GRXCR1: variants seen among roughly 807,000 people sequenced by gnomAD.
The protein encoded by GRXCR1 is glutaredoxin and cysteine rich domain containing 1.
GRXCR1 carries 27 observed loss-of-function variants against 27.3 expected under a neutral mutation model. The ratio of observed to expected loss-of-function variants is 0.99; its 90% CI spans 0.73 to 1.37. The LOEUF (loss-of-function observed/expected upper bound fraction) is 1.37. Ranked by LOEUF, GRXCR1 falls within the 40% of genes most tolerant of loss-of-function variation. The pLI is 0.00. For missense variants in GRXCR1, 379 were observed against 354.4 expected, an observed-to-expected ratio of 1.07 and a Z score of -0.56; for synonymous variants, 122 against 131.1, an observed-to-expected ratio of 0.93 and a Z score of 0.47.
At chr4:42,963,826 G>A (rs112418340) in intron 2 of GRXCR1, among the ~76,000 whole-genome samples, 65 of 151,934 alleles carry the variant, frequency 4.3e-4, no homozygotes, top group African/African-American at 1.5e-3. Context: ...AGAGCAAAGA[G>A]CCAAGGGACA....
At chr4:42,945,646 T>G (rs1305203177) in intron 1 of GRXCR1, among the ~76,000 whole-genome samples, 1 of 152,128 alleles carries the variant, frequency 6.6e-6, no homozygotes, top group East Asian at 1.9e-4. Flanking sequence ...TCTTGCAGAC[T>G]TTTTAGGTAA....
At chr4:43,006,384 G>C (rs1042059998) in intron 2 of GRXCR1, among the ~76,000 whole-genome samples, 1 of 152,120 alleles carries the variant, frequency 6.6e-6, no homozygotes, top group African/African-American at 2.4e-5. Flanking sequence ...AAAGCAAATG[G>C]GAGAAATATC....
At chr4:42,968,448 A>G (rs1748300571) in intron 2 of GRXCR1, among the ~76,000 whole-genome samples, 1 of 152,154 alleles carries the variant, frequency 6.6e-6, no homozygotes, top group South Asian at 2.1e-4. Flanking sequence ...CTGAGTAATA[A>G]TGGTTCTTTT....
intron 1 of GRXCR1, among the ~76,000 whole-genome samples, chr4:42,941,537 C>T (rs1157431492): frequency 6.6e-6 from 1 of 151,962 alleles, no homozygotes; most frequent in South Asian, 2.1e-4. Context: ...TTTTTCAGCT[C>T]CTGAAAAACC....
intron 2 of GRXCR1, among the ~76,000 whole-genome samples, chr4:43,017,477 A>G (rs530986825): frequency 1.3e-5 from 2 of 152,298 alleles, no homozygotes; most frequent in African/African-American, 4.8e-5. Flanking sequence ...TATTTAAAAA[A>G]CTGAGATAGT....
intron 1 of GRXCR1, among the ~76,000 whole-genome samples, chr4:42,934,412 C>T (rs527597100): frequency 5.9e-4 from 89 of 151,940 alleles, no homozygotes; most frequent in African/African-American, 2.1e-3. Flanking sequence ...CACACACACA[C>T]ACTCACAGAG....
At chr4:42,973,478 T>C (rs1748434858) in intron 2 of GRXCR1, among the ~76,000 whole-genome samples, 1 of 152,084 alleles carries the variant, frequency 6.6e-6, no homozygotes, top group African/African-American at 2.4e-5. Flanking sequence ...CGATGTTTTT[T>C]TTTTCTTGAC....
At chr4:42,986,052 G>T (rs1711714542) in intron 2 of GRXCR1, among the ~76,000 whole-genome samples, 1 of 152,142 alleles carries the variant, frequency 6.6e-6, no homozygotes, top group Non-Finnish European at 1.5e-5. Context: ...GAGCCAAGTT[G>T]CAGGCTTCCT....
intron 1 of GRXCR1, among the ~76,000 whole-genome samples, chr4:42,920,093 A>G (rs1746974594): frequency 6.6e-6 from 1 of 152,158 alleles, no homozygotes; most frequent in Non-Finnish European, 1.5e-5. Context: ...ATTGCTGACC[A>G]TTCATTAGCA....
At chr4:42,935,481 G>A (rs992434074) in intron 1 of GRXCR1, among the ~76,000 whole-genome samples, 1 of 151,814 alleles carries the variant, frequency 6.6e-6, no homozygotes. Flanking sequence ...CAACAGATGT[G>A]GTTTAAGCTA....
intron 1 of GRXCR1, among the ~76,000 whole-genome samples, chr4:42,897,501 T>A (rs1158555951): frequency 1.3e-5 from 2 of 152,098 alleles, no homozygotes; most frequent in African/African-American, 4.8e-5. Context: ...ATTAAACATA[T>A]AACCTCCGTC....
At chr4:42,898,921 C>A (rs569702617) in intron 1 of GRXCR1, among the ~76,000 whole-genome samples, 1 of 152,142 alleles carries the variant, frequency 6.6e-6, no homozygotes, top group Admixed American at 6.6e-5. Context: ...CGAGAAACTA[C>A]ACTAAGAGAT....
At chr4:43,002,328 C>T (rs530332454) in intron 2 of GRXCR1, among the ~76,000 whole-genome samples, 26 of 152,336 alleles carry the variant, frequency 1.7e-4, no homozygotes, top group Non-Finnish European at 2.6e-4. Context: ...GAGGTCCCTG[C>T]GGCTTTCCAC....
At chr4:42,997,461 TTC>T (rs1712205528) in intron 2 of GRXCR1, among the ~76,000 whole-genome samples, 1 of 152,202 alleles carries the variant, frequency 6.6e-6, no homozygotes, top group Admixed American at 6.5e-5. Flanking sequence ...TTTTTTTATT[TTC>T]TGTATCTTCT....
At position 42,962,908 on chromosome 4, in the gene GRXCR1, T is replaced by A; in HGVS notation, c.401T>A (p.Leu134Gln). 6.2e-7 allele frequency: 1 copy of A among 1,612,630 alleles called. No homozygotes were observed. Among genetic ancestry groups the A allele is most frequent in the South Asian group, 1.1e-5 (1 of 91,058 alleles). Residue 134 changes from leucine to glutamine, a missense_variant, in exon 2 of 4, where the codon CTA becomes CAA. Leu to Gln is a moderately radical substitution (Grantham distance 113). Transcript: ENST00000399770. ...TKVLQQPSTD[L>Q]EFDRVVIYTT... is the part of the protein sequence containing the mutation. The stretch of plus-strand genomic sequence containing the variant: ...TCCCTTCAGCAACCATCAACTGATC[T>A]AGAATTTGACCGTGTAGTGATTTAT...
At chr4:43,011,649 G>C (rs752934062) in intron 2 of GRXCR1, among the ~76,000 whole-genome samples, 4 of 152,030 alleles carry the variant, frequency 2.6e-5, no homozygotes, top group Admixed American at 6.6e-5. Context: ...TCTGTTTTCT[G>C]CTAGGATCCT....
intron 2 of GRXCR1, among the ~76,000 whole-genome samples, chr4:43,008,903 G>A (rs1393668092): frequency 6.6e-6 from 1 of 152,220 alleles, no homozygotes; most frequent in Non-Finnish European, 1.5e-5. Flanking sequence ...AATGCTTGAA[G>A]AGCATCTTAT....
intron 1 of GRXCR1, among the ~76,000 whole-genome samples, chr4:42,952,351 G>A (rs148833377): frequency 1.3e-4 from 20 of 152,202 alleles, no homozygotes; most frequent in African/African-American, 2.2e-4. Context: ...GCTGAGAGCC[G>A]TTAGCAAGCA....
At chr4:42,971,447 C>G (rs114327298) in intron 2 of GRXCR1, among the ~76,000 whole-genome samples, 1,944 of 152,210 alleles carry the variant, frequency 0.013, 36 homozygotes, top group African/African-American at 0.044. Flanking sequence ...AATTGACTCA[C>G]ATTTCCACAG....
Sources: allele counts gnomAD v4.1 joint callset (sites outside exome capture counted in the v4.1 genomes callset), GRCh38; gene constraint gnomAD v4.1.1; transcripts MANE v1.5; gene names NCBI Gene and HGNC (gene_info 2026-07-23, HGNC 2026-07-21).